TMEM178B: variants seen among roughly 807,000 people sequenced by gnomAD.
TMEM178B encodes the protein transmembrane protein 178B.
A neutral mutation model predicts 31.0 loss-of-function variants in TMEM178B; 5 were observed. That is an observed-to-expected ratio of 0.16 (90% confidence interval 0.08 to 0.34). The LOEUF is 0.34. Among genes scored for constraint, TMEM178B ranks in the 10% least tolerant of loss-of-function variants. TMEM178B has a pLI of 1.00. For missense variants in TMEM178B, 275 were observed against 400.3 expected (o/e 0.69, Z 2.67); for synonymous variants, 164 against 164.0 (o/e 1.00, Z 0.00).
chr7:141,473,287 G>A lies in TMEM178B; in HGVS notation c.*2501G>A, dbSNP rs1021016332. 2.6e-5 allele frequency: 4 copies of A among 152,182 alleles called. No individual in the cohort carries two copies. The highest frequency in any genetic ancestry group is 7.2e-5 in the African/African-American group (3 of 41,444). 9.4% of individuals were successfully genotyped at this position (152,182 alleles called of 1,614,324 possible). The stretch of plus-strand genomic sequence containing the variant: ...TGTCTTCCTTCCAAGCGTCCTGAAG[G>A]GGCTCTGCCGAGGAAGGGACAGACA... On this transcript the variant is annotated 3_prime_UTR_variant, in exon 4 of 4. Coordinates refer to ENST00000565468, the MANE Select transcript of TMEM178B (RefSeq NM_001195278.2).
chr7:141,434,992 T>C (rs1257037362), intron 2 of TMEM178B, among the ~76,000 whole-genome samples: 1 of 152,258 alleles, frequency 6.6e-6, no homozygotes, highest in Non-Finnish European at 1.5e-5. Flanking sequence ...ACACATTTTC[T>C]TTATTCATTC....
the TMEM178B span, among the ~76,000 whole-genome samples, chr7:141,502,445 A>G: frequency 6.6e-6 from 1 of 152,210 alleles, no homozygotes. Flanking sequence ...GAAAGGTTAA[A>G]ACAGCTGGTC....
At chr7:141,162,882 C>T (rs534049964) in intron 1 of TMEM178B, among the ~76,000 whole-genome samples, 1 of 152,148 alleles carries the variant, frequency 6.6e-6, no homozygotes. Context: ...GCATGTGGAT[C>T]CCTCACTTCA....
intron 2 of TMEM178B, among the ~76,000 whole-genome samples, chr7:141,330,630 A>G (rs1586895730): frequency 6.6e-6 from 1 of 152,214 alleles, no homozygotes; most frequent in African/African-American, 2.4e-5. Flanking sequence ...TGGTCTTGAC[A>G]CAGAATCAGA....
At chr7:141,352,176 T>G (rs1211622530) in intron 2 of TMEM178B, 1 of 152,470 alleles carries the variant, frequency 6.6e-6, no homozygotes, top group Non-Finnish European at 1.5e-5. Flanking sequence ...CAGACATCAT[T>G]GAATGCAAGG....
intron 2 of TMEM178B, among the ~76,000 whole-genome samples, chr7:141,306,544 T>C (rs1161935710): frequency 6.6e-6 from 1 of 152,060 alleles, no homozygotes; most frequent in Admixed American, 6.6e-5. Context: ...TTCTTGTAGG[T>C]TTATTAATAT....
rs1225795568 is a variant in TMEM178B, at chr7:141,344,622, T to TCCTC, written c.497-92983_497-92982insCCCT. ...TTCCTTCCTTCCTTCCTTCCTTCCT[T>TCCTC]CCTTCCTCCCTTCCTTCTTCCCTTC... is the stretch of plus-strand genomic sequence containing the variant. On this transcript the variant is annotated intron_variant, in intron 2 of 3. Coordinates refer to ENST00000565468, the MANE Select transcript of TMEM178B (RefSeq NM_001195278.2). The surrounding 1 kb of genome is among the most constrained non-coding windows in gnomAD (Gnocchi z 4.1). 6.9e-5 allele frequency among the ~76,000 whole-genome samples: 9 copies of TCCTC among 130,166 alleles called. No individual in the cohort carries two copies. In the South Asian group the frequency reaches 7.5e-4, roughly 11 times the overall value. 85.4% of individuals were successfully genotyped at this position (130,166 alleles called of 152,430 possible).
intron 2 of TMEM178B, among the ~76,000 whole-genome samples, chr7:141,239,372 C>T (rs1797580531): frequency 6.6e-6 from 1 of 152,112 alleles, no homozygotes; most frequent in Non-Finnish European, 1.5e-5. Flanking sequence ...AATGGAGTTG[C>T]AGCAAACGTC....
intron 2 of TMEM178B, among the ~76,000 whole-genome samples, chr7:141,231,619 G>A (rs1797448128): frequency 6.6e-6 from 1 of 152,204 alleles, no homozygotes; most frequent in East Asian, 1.9e-4. Context: ...CCTGGGGGCT[G>A]GAAGGGCCCT....
rs202146160 is a variant in TMEM178B, at chr7:141,138,063, ATT to A, written c.382+63386_382+63387del. The stretch of plus-strand genomic sequence containing the variant: ...TTCATGAGATCTCTTTTAAAATTCA[ATT>A]TTTTTTTTTTTTTTGAGACAGAGTC... On this transcript the variant is annotated intron_variant, in intron 1 of 3. Coordinates refer to ENST00000565468, the MANE Select transcript of TMEM178B (RefSeq NM_001195278.2). Among the ~76,000 whole-genome samples the A allele has an allele frequency of 3.0e-3, 429 of 141,328 alleles. 1 individual carries two copies. The highest frequency in any genetic ancestry group is 8.2e-3 in the African/African-American group (315 of 38,380). 92.7% of individuals were successfully genotyped at this position (141,328 alleles called of 152,430 possible).
rs1308561407 is a variant in TMEM178B at position 141,411,395 on chromosome 7, A to G, written c.497-26213A>G. ...TGTGTTTCATGCCATCAAACTGTAT[A>G]TTTTTTAATGGTTAAAATGGTAAAT... On this transcript the variant is annotated intron_variant, in intron 2 of 3. Transcript: ENST00000565468. Among the ~76,000 whole-genome samples, 5 of 152,252 alleles carry G rather than the reference A, an allele frequency of 3.3e-5. No homozygotes were observed. The East Asian group carries it at 5.8e-4, about 18-fold the overall frequency.
rs143516775 is a variant in TMEM178B at position 141,153,764 on chromosome 7, T to C, written c.383-58827T>C. 3.2e-3 allele frequency among the ~76,000 whole-genome samples: 487 copies of C among 152,362 alleles called. 5 individuals are homozygous for C. The highest frequency in any genetic ancestry group is 8.9e-3 in the African/African-American group (370 of 41,594). On this transcript the variant is annotated intron_variant, in intron 1 of 3. Coordinates refer to ENST00000565468, the MANE Select transcript of TMEM178B (RefSeq NM_001195278.2). ...TATTTTATTAGAATGTTTATCTTTT[T>C]CATATTGATTTGGATGAGCTCTTTA...
intron 2 of TMEM178B, among the ~76,000 whole-genome samples, chr7:141,295,547 C>T (rs1798617822): frequency 6.6e-6 from 1 of 152,146 alleles, no homozygotes; most frequent in Non-Finnish European, 1.5e-5. Context: ...GTCCCAGATG[C>T]TCAAGGATTA....
intron 2 of TMEM178B, among the ~76,000 whole-genome samples, chr7:141,337,349 C>G (rs2116504206): frequency 6.9e-6 from 1 of 145,640 alleles, no homozygotes; most frequent in East Asian, 2.0e-4. Flanking sequence ...ACTACCACTA[C>G]CCCACTACCA....
intron 2 of TMEM178B, among the ~76,000 whole-genome samples, chr7:141,373,024 A>C (rs897267842): frequency 2.6e-5 from 4 of 152,244 alleles, no homozygotes; most frequent in African/African-American, 9.6e-5. Context: ...CCGCTGGCTC[A>C]GACACTTAGT....
At chr7:141,317,075 T>C (rs943210698) in intron 2 of TMEM178B, among the ~76,000 whole-genome samples, 1 of 151,486 alleles carries the variant, frequency 6.6e-6, no homozygotes, top group East Asian at 1.9e-4. Flanking sequence ...TCCTTTTTTT[T>C]CCTTTAGTAG....
intron 1 of TMEM178B, among the ~76,000 whole-genome samples, chr7:141,186,800 T>A (rs1796616477): frequency 6.6e-6 from 1 of 152,194 alleles, no homozygotes; most frequent in Non-Finnish European, 1.5e-5. Context: ...ACAATGTGGC[T>A]GCCTTTTCAC....
intron 1 of TMEM178B, among the ~76,000 whole-genome samples, chr7:141,131,374 A>G (rs1044193319): frequency 5.1e-4 from 77 of 152,148 alleles, no homozygotes; most frequent in Admixed American, 1.3e-4. Flanking sequence ...CCAGATCTGA[A>G]GTGTTCTGTT....
intron 2 of TMEM178B, among the ~76,000 whole-genome samples, chr7:141,315,340 A>G (rs150243461): frequency 6.6e-6 from 1 of 152,250 alleles, no homozygotes; most frequent in Non-Finnish European, 1.5e-5. Flanking sequence ...GGCCATCATT[A>G]AAAAACTCTG....
Sources: gnomAD v4.1 joint callset for allele counts (sites outside exome capture counted in the v4.1 genomes callset) on GRCh38, gnomAD v4.1.1 for gene constraint, Gnocchi (gnomAD v3.1) non-coding constraint, MANE v1.5 for transcripts, NCBI Gene and HGNC (gene_info 2026-07-23, HGNC 2026-07-21) for gene names.